SLC39A9: variants seen among roughly 807,000 people sequenced by gnomAD.
SLC39A9 encodes solute carrier family 39 member 9.
Under a neutral mutation model 28.4 loss-of-function variants are expected in SLC39A9, and 14 were observed. The observed-to-expected ratio is 0.49, with a 90% CI of 0.33 to 0.77. The LOEUF (loss-of-function observed/expected upper bound fraction) is 0.77, where lower values mean the gene tolerates loss of function less well. Ranked by LOEUF, SLC39A9 falls within the 30% of genes least tolerant of loss-of-function variation. The pLI is 0.02. For synonymous variants in SLC39A9, 119 were observed against 149.6 expected (o/e 0.80, Z 1.49); for missense variants, 283 against 381.1 (o/e 0.74, Z 2.14).
chr14:69,401,260 C>G (rs1202046766), intron 1 of SLC39A9, among the ~76,000 whole-genome samples: 3 of 152,162 alleles, frequency 2.0e-5, no homozygotes, highest in African/African-American at 7.2e-5. Flanking sequence ...TTGGGTCGGG[C>G]TGAGTAGCAG....
Position 69,454,883 on chromosome 14 carries a change from A to G in SLC39A9, c.544A>G (p.Ile182Val). ...TSVQLIVFVA[I>V]MLHKAPAAFG... ...TGTCCAGTTAATTGTGTTTGTGGCA[A>G]TCATGCTACATAAGGTAAGCAACAT... Residue 182 changes from isoleucine (I) to valine (V), a missense_variant, in exon 5 of 7, where the codon ATC (isoleucine) becomes GTC (valine). Physicochemically the swap from Ile to Val is conservative, Grantham distance 29. Transcript: ENST00000336643. 1 of 1,613,808 alleles carries G rather than the reference A, an allele frequency of 6.2e-7. No individual in the cohort carries two copies. Among genetic ancestry groups the G allele is most frequent in the Non-Finnish European group, 8.5e-7 (1 of 1,179,758 alleles).
rs1031145828 is a variant in SLC39A9 at position 69,459,304 on chromosome 14, A to G, written c.*711A>G. 3 of 985,422 alleles carry G rather than the reference A, an allele frequency of 3.0e-6. No individual in the cohort carries two copies. Among genetic ancestry groups the G allele is most frequent in the African/African-American group, 3.5e-5 (2 of 57,362 alleles). 61.0% of individuals were successfully genotyped at this position (985,422 alleles called of 1,614,324 possible). ...AGCAGGAGAGGTGGGAGGAGCTTCTAAAGAGGTGACTGGTATTTTGTAGCA... is the reference window on the plus strand; with the variant it reads ...AGCAGGAGAGGTGGGAGGAGCTTCTGAAGAGGTGACTGGTATTTTGTAGCA... On this transcript the variant is annotated 3_prime_UTR_variant, in exon 7 of 7. Transcript: ENST00000336643.
At position 69,459,020 on chromosome 14, in the gene SLC39A9, C is replaced by T; in HGVS notation, c.*427C>T. On this transcript the variant is annotated 3_prime_UTR_variant, in exon 7 of 7. Coordinates refer to ENST00000336643, the MANE Select transcript of SLC39A9 (RefSeq NM_018375.5). ...TGCTACTTTATCCATTGATTTTTAA[C>T]ATGGTTCCCACCATGTAAGACTGGT... is the stretch of plus-strand genomic sequence containing the variant. The T allele has an allele frequency of 1.0e-6, 1 of 992,028 alleles. No individual in the cohort carries two copies. The highest frequency in any genetic ancestry group is 1.2e-6 in the Non-Finnish European group (1 of 833,312). The allele number at this position is 992,028 out of a possible 1,614,324, so 61.5% of individuals were successfully genotyped here. A position where few individuals can be genotyped will look rare whatever the true frequency, so the allele number is the denominator to read the frequency against.
intron 1 of SLC39A9, among the ~76,000 whole-genome samples, chr14:69,420,375 T>C (rs987813051): frequency 1.3e-5 from 2 of 152,262 alleles, no homozygotes; most frequent in Non-Finnish European, 2.9e-5. Context: ...ACGCTGTTAG[T>C]CTGATGGGCT....
At chr14:69,440,970 T>A (rs1885022640) in intron 2 of SLC39A9, among the ~76,000 whole-genome samples, 1 of 152,184 alleles carries the variant, frequency 6.6e-6, no homozygotes, top group Non-Finnish European at 1.5e-5. Context: ...GCCTGTTTTG[T>A]TTTGTTTTTA....
At chr14:69,415,968 T>A (rs1347620824) in intron 1 of SLC39A9, among the ~76,000 whole-genome samples, 1 of 152,142 alleles carries the variant, frequency 6.6e-6, no homozygotes, top group Non-Finnish European at 1.5e-5. Flanking sequence ...ATGTGCACAA[T>A]GTGCAGGTTT....
intron 2 of SLC39A9, among the ~76,000 whole-genome samples, chr14:69,439,532 A>G (rs1038268871): frequency 6.6e-6 from 1 of 152,170 alleles, no homozygotes; most frequent in Non-Finnish European, 1.5e-5. Flanking sequence ...ACCCAAAGTG[A>G]TCTACAGATT....
intron 1 of SLC39A9, among the ~76,000 whole-genome samples, chr14:69,405,877 G>A (rs190808181): frequency 4.6e-5 from 7 of 152,154 alleles, no homozygotes; most frequent in Admixed American, 2.0e-4. Context: ...TGTATACCAG[G>A]CAATGATATG....
At chr14:69,439,776 C>G (rs1364758366) in intron 2 of SLC39A9, among the ~76,000 whole-genome samples, 2 of 152,156 alleles carry the variant, frequency 1.3e-5, no homozygotes, top group African/African-American at 4.8e-5. Context: ...CATGGCACCC[C>G]TCCCCTCTCT....
intron 3 of SLC39A9, among the ~76,000 whole-genome samples, chr14:69,442,681 A>G (rs1885104525): frequency 6.6e-6 from 1 of 152,214 alleles, no homozygotes; most frequent in East Asian, 1.9e-4. Flanking sequence ...CAAATTTGTG[A>G]TATAGTAATG....
At position 69,431,405 on chromosome 14, in the gene SLC39A9, CT is replaced by C. The variant is rs1021422568; in HGVS notation, c.205+7216del. On this transcript the variant is annotated intron_variant, in intron 2 of 6. Coordinates refer to ENST00000336643, the MANE Select transcript of SLC39A9 (RefSeq NM_018375.5). ...CTTAACCTTTTCCTTTCCTATCTGC[CT>C]TTTTTTTTTTTTACCTTCCTTATTG... is the stretch of plus-strand genomic sequence containing the variant. Among the ~76,000 whole-genome samples the C allele has an allele frequency of 4.3e-3, 604 of 140,270 alleles. 3 individuals are homozygous for C. Among genetic ancestry groups the C allele is most frequent in the Middle Eastern group, 0.011 (3 of 268 alleles). The allele number at this position is 140,270 out of a possible 152,430, so 92.0% of individuals were successfully genotyped here.
At chr14:69,446,279 C>CATATAT (rs140993985) in intron 3 of SLC39A9, among the ~76,000 whole-genome samples, 31 of 146,204 alleles carry the variant, frequency 2.1e-4, no homozygotes, top group Admixed American at 5.5e-4. Flanking sequence ...TTTATATATA[C>CATATAT]ATATATATAT....
intron 3 of SLC39A9, among the ~76,000 whole-genome samples, chr14:69,446,148 G>C (rs576770644): frequency 6.6e-6 from 1 of 151,964 alleles, no homozygotes; most frequent in East Asian, 1.9e-4. Context: ...GGTTCTAAGT[G>C]TGGAAGAAGG....
intron 2 of SLC39A9, among the ~76,000 whole-genome samples, chr14:69,439,631 T>G (rs1020266359): frequency 6.6e-6 from 1 of 152,102 alleles, no homozygotes; most frequent in African/African-American, 2.4e-5. Flanking sequence ...TTGATCCCAG[T>G]GTTGGAGGCG....
At chr14:69,442,292 C>A in intron 3 of SLC39A9, 26 bp downstream of exon 3, 1 of 1,596,018 alleles carries the variant, frequency 6.3e-7, no homozygotes, top group Non-Finnish European at 8.6e-7. Flanking sequence ...GCTTTCTGGG[C>A]AGTGCAATAC....
In SLC39A9 at chr14:69,460,643, G is replaced by A; in HGVS notation, c.*2050G>A. The A allele has an allele frequency of 2.0e-6, 2 of 985,422 alleles. No individual in the cohort carries two copies. The highest frequency in any genetic ancestry group is 2.4e-6 in the Non-Finnish European group (2 of 829,936). The allele number at this position is 985,422 out of a possible 1,614,324, so 61.0% of individuals were successfully genotyped here. On this transcript the variant is annotated 3_prime_UTR_variant, in exon 7 of 7. Coordinates refer to ENST00000336643, the MANE Select transcript of SLC39A9 (RefSeq NM_018375.5). Reference sequence around the variant, plus strand: ...CCAAAGCCTCTTTCAGCAGTGCCTTGCCATCATGCTTAAAAGTTTGGCTAG... The same window carrying A: ...CCAAAGCCTCTTTCAGCAGTGCCTTACCATCATGCTTAAAAGTTTGGCTAG...
At chr14:69,425,215 C>T (rs1201634253) in intron 2 of SLC39A9, among the ~76,000 whole-genome samples, 2 of 152,152 alleles carry the variant, frequency 1.3e-5, no homozygotes, top group East Asian at 1.9e-4. Flanking sequence ...TTTACATGCA[C>T]TATTGCACTG....
chr14:69,444,182 T>TC (rs1285662817), intron 3 of SLC39A9, among the ~76,000 whole-genome samples: 1 of 151,730 alleles, frequency 6.6e-6, no homozygotes, highest in Non-Finnish European at 1.5e-5. Flanking sequence ...GAGAACAAGA[T>TC]CCCATCTCAA....
intron 3 of SLC39A9, among the ~76,000 whole-genome samples, chr14:69,449,958 C>T (rs1246636336): frequency 2.6e-5 from 4 of 151,616 alleles, no homozygotes. Flanking sequence ...GAGGCCGAGG[C>T]GGGTGAATCA....
Sources: allele counts gnomAD v4.1 joint callset (sites outside exome capture counted in the v4.1 genomes callset), GRCh38; gene constraint gnomAD v4.1.1; transcripts MANE v1.5; gene names NCBI Gene and HGNC (gene_info 2026-07-23, HGNC 2026-07-21).